UMAD1: variants seen among roughly 807,000 people sequenced by gnomAD.
UMAD1 encodes the protein UBAP1-MVB12-associated (UMA)-domain containing protein 1.
UMAD1 carries 8 observed loss-of-function variants against 6.1 expected under a neutral mutation model. The observed-to-expected ratio is 1.30, with a 90% CI of 0.76 to 2.35. The LOEUF (loss-of-function observed/expected upper bound fraction) is 2.35, where lower values mean the gene tolerates loss of function less well. Among genes scored for constraint, UMAD1 ranks in the 30% most tolerant of loss-of-function variants. The pLI is 0.00. For missense variants in UMAD1, 130 were observed against 78.4 expected, an observed-to-expected ratio of 1.66 and a Z score of -2.49; for synonymous variants, 56 against 31.4, an observed-to-expected ratio of 1.78 and a Z score of -2.61.
chr7:7,753,812 T>C (rs1781724290), intron 2 of UMAD1, among the ~76,000 whole-genome samples: 1 of 152,182 alleles, frequency 6.6e-6, no homozygotes, highest in Admixed American at 6.5e-5. Context: ...TGCTGGATCA[T>C]ATGGTAGCTC....
At chr7:7,835,037 C>T (rs1214578960) in intron 3 of UMAD1, among the ~76,000 whole-genome samples, 4 of 152,164 alleles carry the variant, frequency 2.6e-5, no homozygotes, top group Admixed American at 1.3e-4. Context: ...AGACTGCCCC[C>T]GTGATCTAAT....
At chr7:7,728,102 A>G (rs1056001310) in intron 2 of UMAD1, among the ~76,000 whole-genome samples, 34 of 152,254 alleles carry the variant, frequency 2.2e-4, no homozygotes, top group African/African-American at 7.7e-4. Flanking sequence ...TGCCCCATTC[A>G]GAGTACCAGC....
chr7:7,845,443 A>C (rs993245395), intron 3 of UMAD1, among the ~76,000 whole-genome samples: 1 of 152,132 alleles, frequency 6.6e-6, no homozygotes, highest in African/African-American at 2.4e-5. Flanking sequence ...GCTTTAGGTC[A>C]CATAGCATTT....
intron 2 of UMAD1, among the ~76,000 whole-genome samples, chr7:7,778,290 G>GAGAGAGAGAC (rs1554327299): frequency 6.6e-6 from 1 of 151,076 alleles, no homozygotes; most frequent in African/African-American, 2.4e-5. Context: ...GAGAGAGAGA[G>GAGAGAGAGAC]AGAGAGACAG....
At chr7:7,727,239 A>G (rs1244867376) in intron 2 of UMAD1, among the ~76,000 whole-genome samples, 1 of 152,238 alleles carries the variant, frequency 6.6e-6, no homozygotes, top group Admixed American at 6.5e-5. Context: ...TTGTTCATGT[A>G]TACACTGTGT....
intron 1 of UMAD1, among the ~76,000 whole-genome samples, chr7:7,656,305 T>G (rs1785340692): frequency 6.6e-6 from 1 of 152,072 alleles, no homozygotes; most frequent in Non-Finnish European, 1.5e-5. Context: ...TGTTCATGTA[T>G]TTAAAAAAAT....
chr7:7,780,097 A>G (rs949145245), intron 2 of UMAD1, among the ~76,000 whole-genome samples: 5 of 152,224 alleles, frequency 3.3e-5, no homozygotes, highest in African/African-American at 1.2e-4. Flanking sequence ...CTTTTTCTGT[A>G]TATTTCCTGT....
At chr7:7,863,288 T>A (rs1198640990) in intron 3 of UMAD1, among the ~76,000 whole-genome samples, 1 of 152,220 alleles carries the variant, frequency 6.6e-6, no homozygotes, top group African/African-American at 2.4e-5. Flanking sequence ...AGCTTCCCTG[T>A]CAAATTTAGT....
At chr7:7,876,149 TA>T (rs1784415100) in intron 3 of UMAD1, among the ~76,000 whole-genome samples, 1 of 152,140 alleles carries the variant, frequency 6.6e-6, no homozygotes, top group Non-Finnish European at 1.5e-5. Flanking sequence ...TGGAAGGAGA[TA>T]AGGGAAGTAG....
chr7:7,664,946 C>T (rs1779400175), intron 1 of UMAD1, among the ~76,000 whole-genome samples: 1 of 152,084 alleles, frequency 6.6e-6, no homozygotes, highest in African/African-American at 2.4e-5. Context: ...TTTTTCAGCA[C>T]TGTGAAATTT....
intron 2 of UMAD1, among the ~76,000 whole-genome samples, chr7:7,750,535 G>T (rs1197273512): frequency 6.6e-6 from 1 of 152,052 alleles, no homozygotes; most frequent in Non-Finnish European, 1.5e-5. Context: ...TTTAATGACG[G>T]CCCATTTTAT....
chr7:7,738,637 G>A (rs1444976392), intron 2 of UMAD1: 2 of 152,182 alleles, frequency 1.3e-5, no homozygotes, highest in Non-Finnish European at 2.9e-5. Flanking sequence ...GATACTTTTA[G>A]GGCTGTGGCT....
At chr7:7,745,351 C>A (rs1019145963) in intron 2 of UMAD1, among the ~76,000 whole-genome samples, 1 of 152,164 alleles carries the variant, frequency 6.6e-6, no homozygotes, top group Non-Finnish European at 1.5e-5. Context: ...TCTACTGTTG[C>A]TTCTCTCTGA....
intron 3 of UMAD1, among the ~76,000 whole-genome samples, chr7:7,832,890 G>C (rs1335568447): frequency 6.6e-6 from 1 of 152,170 alleles, no homozygotes; most frequent in African/African-American, 2.4e-5. Flanking sequence ...AGTTGCATTT[G>C]AGATAGGACC....
chr7:7,722,010 G>A (rs1296089190), intron 2 of UMAD1, among the ~76,000 whole-genome samples: 1 of 152,042 alleles, frequency 6.6e-6, no homozygotes, highest in East Asian at 1.9e-4. Context: ...TCCCATGCTG[G>A]ATGCTTCCTG....
intron 2 of UMAD1, among the ~76,000 whole-genome samples, chr7:7,789,610 T>C (rs13311336): frequency 0.61 from 89,987 of 148,526 alleles, 27,559 homozygotes; most frequent in East Asian, 0.73. Flanking sequence ...TTAAACAAAA[T>C]ACCCCTTCTC....
intron 1 of UMAD1, among the ~76,000 whole-genome samples, chr7:7,645,017 T>A (rs1157079770): frequency 6.6e-6 from 1 of 152,232 alleles, no homozygotes; most frequent in Non-Finnish European, 1.5e-5. Context: ...ACTTTTAGCT[T>A]AGATTTATTC....
At chr7:7,869,770 C>T (rs1335103844) in intron 3 of UMAD1, among the ~76,000 whole-genome samples, 2 of 152,154 alleles carry the variant, frequency 1.3e-5, no homozygotes, top group African/African-American at 2.4e-5. Context: ...ATGGTGGTTA[C>T]TGGAATTTTG....
chr7:7,806,240 A>AG (rs1201581577), intron 3 of UMAD1, among the ~76,000 whole-genome samples: 3 of 101,524 alleles, frequency 3.0e-5, no homozygotes, highest in Middle Eastern at 5.7e-3. Flanking sequence ...AAAGAACAGC[A>AG]GGGTTTTTTT....
Sources: allele counts gnomAD v4.1 joint callset (sites outside exome capture counted in the v4.1 genomes callset), GRCh38; gene constraint gnomAD v4.1.1; transcripts MANE v1.5; gene names NCBI Gene and HGNC (gene_info 2026-07-23, HGNC 2026-07-21).